The following RBFOX1 variants were observed in gnomAD, a reference collection of about 807,000 sequenced individuals.
RBFOX1 encodes RNA binding fox-1 homolog 1.
In RBFOX1, 8 loss-of-function variants were observed where a neutral mutation model predicts 57.7. The ratio of observed to expected loss-of-function variants is 0.14; its 90% CI spans 0.08 to 0.25. The LOEUF is 0.25. Ranked by LOEUF, RBFOX1 falls within the 10% of genes least tolerant of loss-of-function variation. The pLI is 1.00. For synonymous variants in RBFOX1, 326 were observed against 222.4 expected (o/e 1.47, Z -4.15); for missense variants, 611 against 548.5 (o/e 1.11, Z -1.14).
rs1043278805 is a variant in RBFOX1, at chr16:6,483,136, C to T, written c.-64+166079C>T. 1.2e-5 allele frequency: 13 copies of T among 1,053,852 alleles called. No homozygotes were observed. The East Asian group carries it at 1.2e-3, about 93-fold the overall frequency. The allele number at this position is 1,053,852 out of a possible 1,614,324, so 65.3% of individuals were successfully genotyped here. ...CCCAGTATCCACTGCCTTCCCCCAG[C>T]TGCAAGAGTTTGCAAAAACATTGGG... On this transcript the variant is annotated intron_variant, in intron 2 of 15. Coordinates refer to ENST00000550418, the MANE Select transcript of RBFOX1 (RefSeq NM_018723.4).
chr16:6,511,451 A>G (rs772717987), intron 2 of RBFOX1, among the ~76,000 whole-genome samples: 1 of 152,190 alleles, frequency 6.6e-6, no homozygotes, highest in African/African-American at 2.4e-5. Flanking sequence ...TAGGCCCTGG[A>G]CTGACATGGG....
At chr16:5,760,018 A>AC (rs915762595) in intron 3 of RBFOX1, among the ~76,000 whole-genome samples, 2 of 152,078 alleles carry the variant, frequency 1.3e-5, no homozygotes, top group African/African-American at 2.4e-5. Flanking sequence ...AAAAAAAAAA[A>AC]AAAACCTTGT....
At chr16:6,924,737 T>A (rs2075207973) in intron 3 of RBFOX1, among the ~76,000 whole-genome samples, 1 of 152,010 alleles carries the variant, frequency 6.6e-6, no homozygotes, top group African/African-American at 2.4e-5. Flanking sequence ...ACGTGCAGGT[T>A]TGTTACATAT....
chr16:6,966,578 C>G (rs574791790), intron 3 of RBFOX1, among the ~76,000 whole-genome samples: 1 of 152,060 alleles, frequency 6.6e-6, no homozygotes, highest in African/African-American at 2.4e-5. Flanking sequence ...ATGGAAGATA[C>G]GTTAGTTAAA....
intron 4 of RBFOX1, among the ~76,000 whole-genome samples, chr16:5,981,966 C>G (rs960463476): frequency 6.6e-6 from 1 of 152,170 alleles, no homozygotes. Context: ...GTCAGTGGTG[C>G]CAAGAATGAA....
chr16:5,704,823 C>A (rs1211841170), intron 3 of RBFOX1, among the ~76,000 whole-genome samples: 1 of 152,108 alleles, frequency 6.6e-6, no homozygotes, highest in Non-Finnish European at 1.5e-5. Context: ...GCCAGGACCC[C>A]CTTTGAGTTG....
At chr16:7,548,700 A>T (rs1330278598) in intron 5 of RBFOX1, among the ~76,000 whole-genome samples, 1 of 152,132 alleles carries the variant, frequency 6.6e-6, no homozygotes, top group African/African-American at 2.4e-5. Flanking sequence ...GTTCACCCAT[A>T]TCTCCCATCG....
At chr16:7,587,206 AT>A in intron 6 of RBFOX1, 40 bp from the exon 7 acceptor site, 12 of 1,485,570 alleles carry the variant, frequency 8.1e-6, no homozygotes, top group Non-Finnish European at 1.1e-5. Flanking sequence ...TGTCTACTGC[AT>A]TTCTCTTCTT....
At chr16:6,700,396 A>G (rs2110346) in intron 3 of RBFOX1, among the ~76,000 whole-genome samples, 90,424 of 151,816 alleles carry the variant, frequency 0.6, 28,656 homozygotes, top group East Asian at 0.72. Flanking sequence ...CATGTCTCAC[A>G]TCTGTAATCT....
intron 1 of RBFOX1, among the ~76,000 whole-genome samples, chr16:5,327,412 G>A (rs1378780700): frequency 6.6e-6 from 1 of 152,202 alleles, no homozygotes; most frequent in Admixed American, 6.5e-5. Context: ...GTTTAAAATA[G>A]GATGCATGCT....
intron 3 of RBFOX1, among the ~76,000 whole-genome samples, chr16:5,631,361 A>C (rs1210976069): frequency 6.6e-6 from 1 of 152,188 alleles, no homozygotes; most frequent in African/African-American, 2.4e-5. Flanking sequence ...GTTCAAGACC[A>C]GCCTGGCCAA....
chr16:6,333,836 T>A (rs1392839681), intron 2 of RBFOX1, among the ~76,000 whole-genome samples: 2 of 152,236 alleles, frequency 1.3e-5, no homozygotes, highest in Non-Finnish European at 1.5e-5. Flanking sequence ...AATAATAAAG[T>A]GATTTTTCAT....
intron 4 of RBFOX1, among the ~76,000 whole-genome samples, chr16:7,348,836 G>T (rs777226871): frequency 3.3e-4 from 50 of 152,184 alleles, no homozygotes; most frequent in Non-Finnish European, 5.4e-4. Context: ...CAGCCCCTTG[G>T]GAGGCTCAGG....
intron 3 of RBFOX1, among the ~76,000 whole-genome samples, chr16:5,768,418 G>C (rs1214173052): frequency 2.6e-5 from 4 of 152,178 alleles, no homozygotes; most frequent in Non-Finnish European, 2.9e-5. Context: ...TGACCTCACT[G>C]TTTAGACCCC....
intron 2 of RBFOX1, among the ~76,000 whole-genome samples, chr16:6,509,460 C>A (rs1021802598): frequency 3.3e-5 from 5 of 152,092 alleles, no homozygotes; most frequent in Non-Finnish European, 4.4e-5. Flanking sequence ...CATGTTCTTG[C>A]TTATTTGTGG....
At position 6,219,622 on chromosome 16, in the gene RBFOX1, C is replaced by G. The variant is rs566443893; in HGVS notation, c.-126-97373C>G. On this transcript the variant is annotated intron_variant, in intron 1 of 15. Transcript: ENST00000550418. ...GAGCGTGGTGGCTCATGCTTGTAAT[C>G]CCAGCATTTTGGGAGGCCGAGGTGG... is the stretch of plus-strand genomic sequence containing the variant. Among the ~76,000 whole-genome samples, 35 of 152,160 alleles carry G rather than the reference C, an allele frequency of 2.3e-4. No individual in the cohort carries two copies. In the South Asian group the frequency reaches 5.6e-3, roughly 24 times the overall value.
intron 3 of RBFOX1, among the ~76,000 whole-genome samples, chr16:5,748,746 T>C (rs1296689539): frequency 6.6e-6 from 1 of 152,190 alleles, no homozygotes; most frequent in Non-Finnish European, 1.5e-5. Context: ...CATCCCTTTA[T>C]TTTGAGCCTA....
chr16:7,324,144 G>T (rs909798177), intron 4 of RBFOX1, among the ~76,000 whole-genome samples: 1 of 152,272 alleles, frequency 6.6e-6, no homozygotes, highest in African/African-American at 2.4e-5. Flanking sequence ...TCATTTGTCC[G>T]TGGTGTCCTT....
chr16:6,777,563 T>G (rs1165430294), intron 3 of RBFOX1, among the ~76,000 whole-genome samples: 2 of 152,180 alleles, frequency 1.3e-5, no homozygotes, highest in African/African-American at 4.8e-5. Flanking sequence ...CAGGCCTGTT[T>G]GCAATTCCTG....
Sources: allele counts gnomAD v4.1 joint callset (sites outside exome capture counted in the v4.1 genomes callset), GRCh38; gene constraint gnomAD v4.1.1; transcripts MANE v1.5; gene names NCBI Gene and HGNC (gene_info 2026-07-23, HGNC 2026-07-21).